The following GALNTL6 variants were observed in gnomAD, a reference collection of about 807,000 sequenced individuals.
GALNTL6 encodes the protein polypeptide N-acetylgalactosaminyltransferase like 6.
Under a neutral mutation model 73.7 loss-of-function variants are expected in GALNTL6, and 46 were observed. The ratio of observed to expected loss-of-function variants is 0.62; its 90% confidence interval spans 0.49 to 0.80. The LOEUF is 0.80. Among genes scored for constraint, GALNTL6 ranks in the 30% least tolerant of loss-of-function variants. GALNTL6 has a pLI of 0.00. For synonymous variants in GALNTL6, 259 were observed against 263.7 expected, an observed-to-expected ratio of 0.98 and a Z score of 0.17; for missense variants, 604 against 755.0, an observed-to-expected ratio of 0.80 and a Z score of 2.34.
In GALNTL6 at chr4:172,681,651, A is replaced by G. The variant is rs139366090; in HGVS notation, c.554-127710A>G. Among the ~76,000 whole-genome samples, 87 of 152,312 alleles carry G rather than the reference A, an allele frequency of 5.7e-4. No homozygotes were observed. In the East Asian group the frequency reaches 0.013, roughly 22 times the overall value. ...ATAAAATTATATAAATTAGTTACAT[A>G]ATTATGATTCCTGCATCATAACAGA... On this transcript the variant is annotated intron_variant, in intron 5 of 12. Coordinates refer to ENST00000506823, the MANE Select transcript of GALNTL6 (RefSeq NM_001034845.3).
chr4:172,448,587 C>T (rs1346403091), intron 5 of GALNTL6, among the ~76,000 whole-genome samples: 1 of 152,190 alleles, frequency 6.6e-6, no homozygotes, highest in Non-Finnish European at 1.5e-5. Context: ...AACATCCACA[C>T]AGTCTACTGT....
chr4:171,978,268 T>C (rs1477206935), intron 2 of GALNTL6, among the ~76,000 whole-genome samples: 6 of 152,176 alleles, frequency 3.9e-5, no homozygotes, highest in African/African-American at 1.4e-4. Flanking sequence ...CTATTAATAC[T>C]TTCTGCTACA....
At chr4:172,966,941 T>C (rs967699604) in intron 10 of GALNTL6, among the ~76,000 whole-genome samples, 1 of 152,200 alleles carries the variant, frequency 6.6e-6, no homozygotes, top group African/African-American at 2.4e-5. Flanking sequence ...TTTAGCAACC[T>C]CAAGGTCATC....
Position 172,854,068 on chromosome 4 carries a change from C to T in GALNTL6, c.924-28722C>T, listed in dbSNP as rs529656382. Among the ~76,000 whole-genome samples, 6 of 152,230 alleles carry T rather than the reference C, an allele frequency of 3.9e-5. No individual in the cohort carries two copies. In the South Asian group the frequency reaches 1.2e-3, roughly 32 times the overall value. On this transcript the variant is annotated intron_variant, in intron 7 of 12. Coordinates refer to ENST00000506823, the MANE Select transcript of GALNTL6 (RefSeq NM_001034845.3). ...CCTAGATGTATTCACTGCAGGTATTCTATATTTAAGGCAAACTGTCTTACT... is the reference window on the plus strand; with the variant it reads ...CCTAGATGTATTCACTGCAGGTATTTTATATTTAAGGCAAACTGTCTTACT...
At chr4:172,454,822 A>T (rs336022) in intron 5 of GALNTL6, among the ~76,000 whole-genome samples, 129,442 of 152,170 alleles carry the variant, frequency 0.85, 55,140 homozygotes, top group South Asian at 0.87. Flanking sequence ...CTCCAGCCCC[A>T]TTGCTAGCTC....
chr4:171,831,363 A>G (rs1734964865), intron 2 of GALNTL6, among the ~76,000 whole-genome samples: 1 of 151,944 alleles, frequency 6.6e-6, no homozygotes, highest in African/African-American at 2.4e-5. Context: ...TGTCTTGGGG[A>G]AAAATGTCTT....
intron 8 of GALNTL6, among the ~76,000 whole-genome samples, chr4:172,896,238 C>A (rs1746323996): frequency 6.6e-6 from 1 of 152,148 alleles, no homozygotes; most frequent in South Asian, 2.1e-4. Context: ...GTCTTCTTTG[C>A]CCAGTTTTGT....
At chr4:172,586,253 TA>T (rs916240416) in intron 5 of GALNTL6, among the ~76,000 whole-genome samples, 28 of 152,200 alleles carry the variant, frequency 1.8e-4, no homozygotes, top group Non-Finnish European at 1.0e-4. Flanking sequence ...TTCTTACCTA[TA>T]AAGGAAAGAG....
In GALNTL6 at chr4:173,026,121, G is replaced by A. The variant is rs143020687; in HGVS notation, c.1638+4496G>A. Among the ~76,000 whole-genome samples the A allele has an allele frequency of 3.3e-5, 5 of 152,230 alleles. No individual in the cohort carries two copies. The East Asian group carries it at 9.7e-4, about 29-fold the overall frequency. On this transcript the variant is annotated intron_variant, in intron 12 of 12. Coordinates refer to ENST00000506823, the MANE Select transcript of GALNTL6 (RefSeq NM_001034845.3). ...GATTATAGCATATGTCTTAATTTGG[G>A]TTTCCCCATATATACAACCTAAAGT...
At chr4:172,031,773 C>G (rs973257319) in intron 2 of GALNTL6, among the ~76,000 whole-genome samples, 47 of 151,812 alleles carry the variant, frequency 3.1e-4, no homozygotes, top group Non-Finnish European at 3.1e-4. Flanking sequence ...AAATGAGATT[C>G]TGTTCAAGCA....
chr4:172,033,428 T>C (rs114900856), intron 2 of GALNTL6, among the ~76,000 whole-genome samples: 1,703 of 152,206 alleles, frequency 0.011, 32 homozygotes, highest in African/African-American at 0.037. Flanking sequence ...GTGGCTTATG[T>C]AGTGTATTTC....
chr4:172,641,920 A>G (rs1018957225), intron 5 of GALNTL6, among the ~76,000 whole-genome samples: 2 of 152,026 alleles, frequency 1.3e-5, no homozygotes, highest in Non-Finnish European at 2.9e-5. Context: ...TGGGCGGAGG[A>G]CCTGAATTAA....
chr4:172,443,011 A>C (rs1167178572), intron 5 of GALNTL6, among the ~76,000 whole-genome samples: 2 of 150,704 alleles, frequency 1.3e-5, no homozygotes, highest in Admixed American at 1.3e-4. Context: ...ACCTTTAAAA[A>C]ATATTTTGGT....
intron 5 of GALNTL6, among the ~76,000 whole-genome samples, chr4:172,763,416 C>T (rs1160494686): frequency 6.6e-6 from 1 of 152,136 alleles, no homozygotes; most frequent in Non-Finnish European, 1.5e-5. Flanking sequence ...TTCTTTTTAA[C>T]AGTTAGATGC....
chr4:172,210,988 G>A (rs540820867), intron 2 of GALNTL6, among the ~76,000 whole-genome samples: 25 of 152,194 alleles, frequency 1.6e-4, no homozygotes, highest in African/African-American at 6.0e-4. Flanking sequence ...ATAAGTTGTT[G>A]TTCCATATTT....
chr4:172,512,720 C>T (rs1012224944), intron 5 of GALNTL6, among the ~76,000 whole-genome samples: 3 of 152,034 alleles, frequency 2.0e-5, no homozygotes, highest in African/African-American at 4.8e-5. Context: ...TAGCTGGATA[C>T]CAAACTCTTG....
In GALNTL6 at chr4:172,790,207, A is replaced by C. The variant is rs75742532; in HGVS notation, c.554-19154A>C. On this transcript the variant is annotated intron_variant, in intron 5 of 12. Coordinates refer to ENST00000506823, the MANE Select transcript of GALNTL6 (RefSeq NM_001034845.3). The stretch of plus-strand genomic sequence containing the variant: ...GCTGAGGCTGAAGGGTTATCTATTT[A>C]TTGTGGTCCCCATATTCACAAATAT... Among the ~76,000 whole-genome samples the C allele has an allele frequency of 5.4e-3, 825 of 152,284 alleles. 17 individuals are homozygous for C. The highest frequency in any genetic ancestry group is 0.019 in the African/African-American group (788 of 41,554).
chr4:173,022,766 T>C (rs28588330), intron 12 of GALNTL6, among the ~76,000 whole-genome samples: 4,136 of 152,242 alleles, frequency 0.027, 181 homozygotes, highest in African/African-American at 0.088. Flanking sequence ...GTAGGAAAAA[T>C]TCAAAAACAT....
At chr4:172,980,170 A>C (rs1429626106) in intron 10 of GALNTL6, among the ~76,000 whole-genome samples, 1 of 152,250 alleles carries the variant, frequency 6.6e-6, no homozygotes, top group Non-Finnish European at 1.5e-5. Context: ...GCTAGTCCCC[A>C]TCAGACTCTA....
Sources: gnomAD v4.1 joint callset for allele counts (sites outside exome capture counted in the v4.1 genomes callset) on GRCh38, gnomAD v4.1.1 for gene constraint, MANE v1.5 for transcripts, NCBI Gene and HGNC (gene_info 2026-07-23, HGNC 2026-07-21) for gene names.